Variants in ROBO1 observed in about 807,000 individuals in gnomAD.
The protein encoded by ROBO1 is roundabout homolog 1.
A neutral mutation model predicts 195.9 loss-of-function variants in ROBO1; 149 were observed. That is an observed-to-expected ratio of 0.76 (90% CI 0.67 to 0.87). ROBO1 has a LOEUF of 0.87. Ranked by LOEUF, ROBO1 falls within the 40% of genes least tolerant of loss-of-function variation. The pLI, the probability that ROBO1 is intolerant of heterozygous loss-of-function variation, is 0.00. For missense variants in ROBO1, 1,933 were observed against 2,068.3 expected, an observed-to-expected ratio of 0.93 and a Z score of 1.27; for synonymous variants, 816 against 733.2, an observed-to-expected ratio of 1.11 and a Z score of -1.82.
chr3:78,668,853 G>A (rs1167848871), intron 11 of ROBO1, among the ~76,000 whole-genome samples: 3 of 152,030 alleles, frequency 2.0e-5, no homozygotes, highest in Non-Finnish European at 4.4e-5. Flanking sequence ...CTAAGGTAAG[G>A]CATACAATTC....
intron 1 of ROBO1, among the ~76,000 whole-genome samples, chr3:79,697,384 C>A (rs1241703563): frequency 1.3e-5 from 2 of 151,280 alleles, no homozygotes; most frequent in Non-Finnish European, 3.0e-5. Context: ...TTCACCCATA[C>A]AAATGACAAA....
Position 78,639,824 on chromosome 3 carries a change from T to G in ROBO1, c.2957A>C (p.Asn986Thr). 1 of 1,613,518 alleles carries G rather than the reference T, an allele frequency of 6.2e-7. No homozygotes were observed. ...GCAGCTGATGGAGCAGTCATTGTGG[T>G]TGTTGCCAGTATTAGGCCACGTGTC... Reference protein sequence around the residue: ...LADTWPNTGNNHNDCSISCCT... With the variant: ...LADTWPNTGNTHNDCSISCCT... The change falls in exon 22 of 31, where the codon AAC (asparagine) becomes ACC (threonine). Residue 986 changes from asparagine to threonine, a missense_variant. Around this residue, in one of 3 missense-constraint regions of ROBO1, gnomAD observed 1,737 missense variants for 1,882.5 expected, o/e 0.92. Coordinates refer to ENST00000464233, the MANE Select transcript of ROBO1 (RefSeq NM_002941.4).
chr3:78,607,540 T>C (rs1303832121), intron 28 of ROBO1, among the ~76,000 whole-genome samples: 2 of 152,184 alleles, frequency 1.3e-5, no homozygotes, highest in African/African-American at 4.8e-5. Context: ...TGTACTCTTG[T>C]TATCTAGCAC....
intron 3 of ROBO1, among the ~76,000 whole-genome samples, chr3:79,062,227 G>T (rs1013677949): frequency 1.3e-5 from 2 of 152,086 alleles, no homozygotes; most frequent in African/African-American, 4.8e-5. Context: ...CATTTATGCA[G>T]CCCACAGACA....
intron 5 of ROBO1, among the ~76,000 whole-genome samples, chr3:78,742,443 T>C (rs1350930228): frequency 6.6e-6 from 1 of 152,206 alleles, no homozygotes; most frequent in Non-Finnish European, 1.5e-5. Context: ...TTCTAAGTTT[T>C]TGTTTTAATT....
At position 79,595,987 on chromosome 3, in the gene ROBO1, T is replaced by C. The variant is rs114504364; in HGVS notation, c.-50-6026A>G. On this transcript the variant is annotated intron_variant, in intron 1 of 30. Coordinates refer to ENST00000464233, the MANE Select transcript of ROBO1 (RefSeq NM_002941.4). Reference sequence around the variant, plus strand: ...GTGGATTTTGCATGTAACAGATGAATCACTCAGCAATCTACACATTGGTAA... The same window carrying C: ...GTGGATTTTGCATGTAACAGATGAACCACTCAGCAATCTACACATTGGTAA... Among the ~76,000 whole-genome samples the C allele has an allele frequency of 3.4e-3, 512 of 150,676 alleles. 6 individuals are homozygous for C. Among genetic ancestry groups the C allele is most frequent in the African/African-American group, 0.012 (497 of 41,010 alleles).
At chr3:78,766,346 C>T (rs751248878) in intron 4 of ROBO1, among the ~76,000 whole-genome samples, 51 of 152,274 alleles carry the variant, frequency 3.3e-4, no homozygotes, top group Non-Finnish European at 5.0e-4. Context: ...CTTCCCCTGA[C>T]ATTTTAAAAA....
chr3:79,156,145 C>T (rs1035229211), intron 2 of ROBO1, among the ~76,000 whole-genome samples: 3 of 151,516 alleles, frequency 2.0e-5, no homozygotes, highest in African/African-American at 4.8e-5. Context: ...GATGGAATTC[C>T]GTTTATTCTG....
At chr3:78,723,654 G>A (rs987405864) in intron 5 of ROBO1, among the ~76,000 whole-genome samples, 1 of 152,026 alleles carries the variant, frequency 6.6e-6, no homozygotes, top group Admixed American at 6.6e-5. Flanking sequence ...ACTTGGTGTG[G>A]GGTTGGGGGA....
chr3:79,765,822 C>T (rs933207896), intron 1 of ROBO1, among the ~76,000 whole-genome samples: 2 of 152,108 alleles, frequency 1.3e-5, no homozygotes, highest in African/African-American at 2.4e-5. Flanking sequence ...TCTATAGGGT[C>T]CTGCATCTAC....
At chr3:79,174,771 G>T (rs2081236460) in intron 2 of ROBO1, among the ~76,000 whole-genome samples, 1 of 151,430 alleles carries the variant, frequency 6.6e-6, no homozygotes, top group African/African-American at 2.4e-5. Context: ...TAGGAGAATG[G>T]TGGCAACCTG....
At chr3:79,576,154 T>C (rs907029624) in intron 2 of ROBO1, among the ~76,000 whole-genome samples, 3 of 152,010 alleles carry the variant, frequency 2.0e-5, no homozygotes, top group Admixed American at 1.3e-4. Context: ...CGGGGTTAAA[T>C]ACAGTATGTA....
At chr3:79,607,623 G>A (rs1278772800) in intron 1 of ROBO1, among the ~76,000 whole-genome samples, 2 of 149,740 alleles carry the variant, frequency 1.3e-5, no homozygotes, top group African/African-American at 4.9e-5. Flanking sequence ...TTCTTACTGG[G>A]CAATGGATTC....
chr3:79,514,065 A>G (rs943376689), intron 2 of ROBO1, among the ~76,000 whole-genome samples: 1 of 152,130 alleles, frequency 6.6e-6, no homozygotes, highest in Non-Finnish European at 1.5e-5. Context: ...CAACACACTT[A>G]CCCCAATGTT....
At chr3:78,997,785 G>A (rs1213915061) in intron 3 of ROBO1, among the ~76,000 whole-genome samples, 1 of 152,138 alleles carries the variant, frequency 6.6e-6, no homozygotes, top group African/African-American at 2.4e-5. Flanking sequence ...CCCGTCTTAT[G>A]TGTGCTGAGT....
intron 2 of ROBO1, among the ~76,000 whole-genome samples, chr3:79,154,158 G>A (rs977974726): frequency 4.6e-5 from 7 of 151,612 alleles, no homozygotes; most frequent in Non-Finnish European, 8.8e-5. Flanking sequence ...CATACATAAT[G>A]GGTTCAGAGT....
chr3:79,378,498 G>A (rs1476219923), intron 2 of ROBO1, among the ~76,000 whole-genome samples: 2 of 152,166 alleles, frequency 1.3e-5, no homozygotes, highest in African/African-American at 4.8e-5. Flanking sequence ...ATAGGATGTA[G>A]AATCCATGAC....
At chr3:78,621,751 C>G (rs530616912) in intron 26 of ROBO1, among the ~76,000 whole-genome samples, 1 of 152,104 alleles carries the variant, frequency 6.6e-6, no homozygotes. Context: ...GACTGTGTAT[C>G]GCAACACTCT....
intron 18 of ROBO1, among the ~76,000 whole-genome samples, chr3:78,654,577 ACAGCCAAGAGAGGTCCTATGCAAGCAAC>A (rs1559701053): frequency 1.3e-5 from 2 of 152,174 alleles, no homozygotes. Flanking sequence ...TAATATGGAA[ACAGCCAAGAGAGGTCCTATGCAAGCAAC>A]CAGATGGACT....
Sources: allele counts gnomAD v4.1 joint callset (sites outside exome capture counted in the v4.1 genomes callset), GRCh38; gene constraint gnomAD v4.1.1; regional missense constraint gnomAD v4.1.1; transcripts MANE v1.5; gene names NCBI Gene and HGNC (gene_info 2026-07-23, HGNC 2026-07-21).